B3GALT1: variants seen among roughly 807,000 people sequenced by gnomAD.
B3GALT1 encodes the protein UDP-Gal:betaGlcNAc beta 1,3-galactosyltransferase, polypeptide 1.
A neutral mutation model predicts 23.2 loss-of-function variants in B3GALT1; 10 were observed. The observed-to-expected ratio is 0.43, with a 90% CI of 0.27 to 0.73. The LOEUF (loss-of-function observed/expected upper bound fraction) is 0.73. B3GALT1 is among the 30% of genes least tolerant of loss of function. The pLI is 0.21. For synonymous variants in B3GALT1, 156 were observed against 141.5 expected (o/e 1.10, Z -0.73); for missense variants, 299 against 405.4 (o/e 0.74, Z 2.25).
intron 3 of B3GALT1, among the ~76,000 whole-genome samples, chr2:167,786,274 A>G (rs1688343716): frequency 6.6e-6 from 1 of 152,240 alleles, no homozygotes; most frequent in African/African-American, 2.4e-5. Context: ...CCTGTTACAC[A>G]GGAATAATAG....
intron 1 of B3GALT1, among the ~76,000 whole-genome samples, chr2:167,365,776 A>C (rs1282948936): frequency 6.6e-6 from 1 of 152,200 alleles, no homozygotes; most frequent in African/African-American, 2.4e-5. Flanking sequence ...ATGAAGACAC[A>C]CCTACTGATA....
At position 167,616,481 on chromosome 2, in the gene B3GALT1, C is replaced by G. The variant is rs895689739; in HGVS notation, c.-409-30428C>G. Among the ~76,000 whole-genome samples, 5 of 152,052 alleles carry G rather than the reference C, an allele frequency of 3.3e-5. No homozygotes were observed. In the East Asian group the frequency reaches 9.7e-4, roughly 30 times the overall value. ...ACTTTGGGAGGCCAAGGTGGATGAT[C>G]ACTTGAGGTCAGGAGTTTGAAACCA... On this transcript the variant is annotated intron_variant, in intron 2 of 4. Transcript: ENST00000392690.
At chr2:167,555,929 C>T (rs1377554129) in intron 2 of B3GALT1, among the ~76,000 whole-genome samples, 1 of 152,096 alleles carries the variant, frequency 6.6e-6, no homozygotes, top group African/African-American at 2.4e-5. Flanking sequence ...TAATGAAACA[C>T]CAGAGGCTCT....
At chr2:167,357,560 T>C (rs1697436149) in intron 1 of B3GALT1, among the ~76,000 whole-genome samples, 1 of 152,152 alleles carries the variant, frequency 6.6e-6, no homozygotes, top group Admixed American at 6.5e-5. Context: ...CTTCCTCTTT[T>C]TGAAAATCCC....
chr2:167,518,039 A>AAC (rs1558890131), intron 2 of B3GALT1, among the ~76,000 whole-genome samples: 85 of 151,930 alleles, frequency 5.6e-4, no homozygotes, highest in Non-Finnish European at 6.8e-4. Context: ...ACAACAACAA[A>AAC]AAAAATTGTA....
At chr2:167,685,294 A>G (rs1244258483) in intron 3 of B3GALT1, among the ~76,000 whole-genome samples, 2 of 152,238 alleles carry the variant, frequency 1.3e-5, no homozygotes, top group East Asian at 3.9e-4. Context: ...GGGTCTTGCA[A>G]TGTTGCCCAG....
At chr2:167,687,177 T>C (rs1161220644) in intron 3 of B3GALT1, among the ~76,000 whole-genome samples, 2 of 152,214 alleles carry the variant, frequency 1.3e-5, no homozygotes, top group African/African-American at 2.4e-5. Context: ...AGTTGGACTT[T>C]TTAGCTGGCT....
At chr2:167,723,248 T>A in intron 3 of B3GALT1, among the ~76,000 whole-genome samples, 1 of 152,212 alleles carries the variant, frequency 6.6e-6, no homozygotes, top group South Asian at 2.1e-4. Flanking sequence ...CTACTCTGTT[T>A]ATGGCTTACA....
intron 3 of B3GALT1, among the ~76,000 whole-genome samples, chr2:167,733,780 T>C (rs111642065): frequency 0.029 from 4,474 of 152,270 alleles, 97 homozygotes; most frequent in Non-Finnish European, 0.048. Context: ...CATTTGCCTT[T>C]GGCTCAGGTT....
intron 2 of B3GALT1, among the ~76,000 whole-genome samples, chr2:167,572,085 A>T (rs1462172877): frequency 1.3e-5 from 2 of 151,826 alleles, no homozygotes; most frequent in African/African-American, 4.8e-5. Flanking sequence ...ATATTATGTT[A>T]TTAGAAGTCA....
intron 1 of B3GALT1, among the ~76,000 whole-genome samples, chr2:167,379,171 A>T (rs555352229): frequency 1.3e-5 from 2 of 152,144 alleles, no homozygotes; most frequent in Non-Finnish European, 2.9e-5. Context: ...ATAAGGGGGC[A>T]GGAAGGAGAA....
intron 2 of B3GALT1, among the ~76,000 whole-genome samples, chr2:167,499,673 T>A (rs1405382163): frequency 6.6e-6 from 1 of 152,038 alleles, no homozygotes; most frequent in Non-Finnish European, 1.5e-5. Flanking sequence ...ATGCATGGAT[T>A]TTTCCCCCTT....
intron 3 of B3GALT1, among the ~76,000 whole-genome samples, chr2:167,693,919 G>A (rs553600832): frequency 1.3e-5 from 2 of 152,052 alleles, no homozygotes; most frequent in African/African-American, 4.8e-5. Context: ...CTAGTTAGCT[G>A]GTCTGAGCTG....
At chr2:167,724,226 A>G (rs1253707820) in intron 3 of B3GALT1, among the ~76,000 whole-genome samples, 2 of 152,214 alleles carry the variant, frequency 1.3e-5, no homozygotes, top group African/African-American at 4.8e-5. Context: ...AATATTATCT[A>G]CAAGGCTTAT....
intron 4 of B3GALT1, among the ~76,000 whole-genome samples, chr2:167,848,286 C>A (rs1444411613): frequency 6.6e-6 from 1 of 151,820 alleles, no homozygotes. Context: ...CGGACATAAC[C>A]AAAAAAAGAA....
chr2:167,344,818 A>G (rs1319514065), intron 1 of B3GALT1, among the ~76,000 whole-genome samples: 3 of 152,170 alleles, frequency 2.0e-5, no homozygotes, highest in African/African-American at 4.8e-5. Context: ...TCAAGACCAC[A>G]TTACTAGTGA....
chr2:167,566,313 G>A (rs1303863966), intron 2 of B3GALT1, among the ~76,000 whole-genome samples: 2 of 151,476 alleles, frequency 1.3e-5, no homozygotes, highest in South Asian at 2.1e-4. Context: ...AGAACACATG[G>A]ACACAGGAAG....
chr2:167,767,258 G>C (rs1687994743), intron 3 of B3GALT1, among the ~76,000 whole-genome samples: 1 of 152,176 alleles, frequency 6.6e-6, no homozygotes. Context: ...CAACAAATTT[G>C]AAGTGGATGT....
At chr2:167,400,502 AT>A (rs1698171186) in intron 1 of B3GALT1, among the ~76,000 whole-genome samples, 1 of 151,932 alleles carries the variant, frequency 6.6e-6, no homozygotes, top group African/African-American at 2.4e-5. Flanking sequence ...TCTATTTCCT[AT>A]CTGCTTTGCC....
Sources: allele counts gnomAD v4.1 joint callset (sites outside exome capture counted in the v4.1 genomes callset), GRCh38; gene constraint gnomAD v4.1.1; transcripts MANE v1.5; gene names NCBI Gene and HGNC (gene_info 2026-07-23, HGNC 2026-07-21).